HMCN1: variants seen among roughly 807,000 people sequenced by gnomAD.
HMCN1 encodes hemicentin 1.
HMCN1 carries 321 observed loss-of-function variants against 625.9 expected under a neutral mutation model. That is an observed-to-expected ratio of 0.51 (90% CI 0.47 to 0.56). The LOEUF is 0.56. Ranked by LOEUF, HMCN1 falls within the 20% of genes least tolerant of loss-of-function variation. The pLI is 0.00. For synonymous variants in HMCN1, 2,425 were observed against 2,417.6 expected (o/e 1.00, Z -0.09); for missense variants, 6,588 against 6,887.3 (o/e 0.96, Z 1.54).
intron 1 of HMCN1, among the ~76,000 whole-genome samples, chr1:185,804,855 G>A (rs181971440): frequency 1.6e-4 from 25 of 152,136 alleles, no homozygotes; most frequent in Admixed American, 3.9e-4. Flanking sequence ...GGCTTAGAAT[G>A]TTATGACGAG....
chr1:186,106,829 TA>T, intron 69 of HMCN1, 54 bp from the exon 70 acceptor site: 1 of 1,244,380 alleles, frequency 8.0e-7, no homozygotes. Flanking sequence ...ATATTTATTT[TA>T]ATAACAAAAG....
At chr1:186,065,607 A>G (rs550652889) in intron 49 of HMCN1, among the ~76,000 whole-genome samples, 178 bp downstream of exon 49, 8 of 152,334 alleles carry the variant, frequency 5.3e-5, no homozygotes, top group African/African-American at 1.7e-4. Context: ...TTTATGACAT[A>G]TGGAATACCT....
At chr1:186,150,598 C>A (rs1008711434) in intron 93 of HMCN1, among the ~76,000 whole-genome samples, 1 of 152,082 alleles carries the variant, frequency 6.6e-6, no homozygotes, top group South Asian at 2.1e-4. Context: ...AGATAATCCA[C>A]GTTTACATTG....
At chr1:186,131,426 T>C (rs1388593928) in intron 85 of HMCN1, among the ~76,000 whole-genome samples, 2 of 152,154 alleles carry the variant, frequency 1.3e-5, no homozygotes, top group Non-Finnish European at 2.9e-5. Flanking sequence ...TCTATTACTA[T>C]TTCTGAAGTC....
chr1:185,983,156 A>G (rs1295575045), intron 18 of HMCN1, among the ~76,000 whole-genome samples: 1 of 152,026 alleles, frequency 6.6e-6, no homozygotes, highest in Non-Finnish European at 1.5e-5. Flanking sequence ...ATATATTGTC[A>G]TTGTTTTTCG....
At chr1:186,104,504 G>A (rs547197973) in intron 69 of HMCN1, among the ~76,000 whole-genome samples, 2 of 152,234 alleles carry the variant, frequency 1.3e-5, no homozygotes, top group Admixed American at 6.5e-5. Flanking sequence ...GGAAGAAAGG[G>A]AACTGGAAGA....
At chr1:185,941,092 T>A (rs1008101000) in intron 11 of HMCN1, among the ~76,000 whole-genome samples, 14 of 152,140 alleles carry the variant, frequency 9.2e-5, no homozygotes, top group African/African-American at 3.4e-4. Flanking sequence ...CCTGACCTCA[T>A]GATCTGCCCG....
rs566596055 is a variant in HMCN1, at chr1:186,015,855, G to T, written c.4910-103G>T. ...ACAGGCATATAGGTAGATTTTAATG[G>T]TCAAACTTTGTGAGAAAAAACAAAA... On this transcript the variant is annotated intron_variant, in intron 31 of 106. Coordinates refer to ENST00000271588, the MANE Select transcript of HMCN1 (RefSeq NM_031935.3). 36 of 1,130,214 alleles carry T rather than the reference G, an allele frequency of 3.2e-5. No homozygotes were observed. The South Asian group carries it at 3.5e-4, about 11-fold the overall frequency. The allele number at this position is 1,130,214 out of a possible 1,614,324, so 70.0% of individuals were successfully genotyped here. A position where few individuals can be genotyped will look rare whatever the true frequency, so the allele number is the denominator to read the frequency against.
intron 45 of HMCN1, among the ~76,000 whole-genome samples, chr1:186,056,014 G>A (rs868124239): frequency 3.3e-5 from 5 of 151,932 alleles, no homozygotes; most frequent in South Asian, 2.1e-4. Flanking sequence ...TTGTATAAAC[G>A]TAAGCTCCTT....
chr1:185,795,349 TAA>T (rs759452937), intron 1 of HMCN1, among the ~76,000 whole-genome samples: 1 of 152,340 alleles, frequency 6.6e-6, no homozygotes, highest in Admixed American at 6.5e-5. Flanking sequence ...CCTAAAAAAA[TAA>T]AGAGTCATTT....
rs1656084284 is a variant in HMCN1, at chr1:186,039,749, G to A, written c.6050G>A (p.Ser2017Asn). ...QVHVAPSISG[S>N]NNMVAVVVNN... ...TCAGTGGCCCCATCAATTTCTGGCA[G>A]CAATAACATGGTGGCAGTGGTGGTT... Residue 2017 changes from serine (S) to asparagine (N), a missense_variant, in exon 39 of 107, where the codon AGC (serine) becomes AAC (asparagine). Around this residue, in one of 3 missense-constraint regions of HMCN1, gnomAD observed 4,628 missense variants for 4,853.1 expected, o/e 0.95. Transcript: ENST00000271588. 3 of 1,613,416 alleles carry A rather than the reference G, an allele frequency of 1.9e-6. No individual in the cohort carries two copies. Among genetic ancestry groups the A allele is most frequent in the South Asian group, 2.2e-5 (2 of 91,070 alleles).
chr1:185,977,681 A>G lies in HMCN1; in HGVS notation c.2372-106A>G. 3 of 797,428 alleles carry G rather than the reference A, an allele frequency of 3.8e-6. No homozygotes were observed. In the South Asian group the frequency reaches 4.3e-5, roughly 11 times the overall value. The allele number at this position is 797,428 out of a possible 1,614,324, so 49.4% of individuals were successfully genotyped here. ...CAGGGTAAATTTACAATATAATATG[A>G]ACAATAATTCAAATTCAATGATTTG... On this transcript the variant is annotated intron_variant, in intron 15 of 106. Transcript: ENST00000271588.
intron 48 of HMCN1, among the ~76,000 whole-genome samples, chr1:186,064,898 GTACTT>G (rs894056898): frequency 6.0e-5 from 9 of 150,862 alleles, no homozygotes; most frequent in East Asian, 3.9e-4. Flanking sequence ...TTTAAAAACT[GTACTT>G]TACTATCAAA....
At chr1:186,091,069 G>T in intron 64 of HMCN1, 152 bp downstream of exon 64, 1 of 753,932 alleles carries the variant, frequency 1.3e-6, no homozygotes, top group Non-Finnish European at 2.2e-6. Flanking sequence ...TTTTTTTTGA[G>T]AACTGGACAT....
At chr1:186,070,832 T>C in intron 52 of HMCN1, 75 bp downstream of exon 52, 1 of 1,378,422 alleles carries the variant, frequency 7.3e-7, no homozygotes, top group Non-Finnish European at 1.0e-6. Flanking sequence ...AATAATAAAA[T>C]AGACACAAGT....
At chr1:185,982,223 A>G (rs764151005) in intron 17 of HMCN1, 39 bp from the exon 18 acceptor site, 1 of 1,611,358 alleles carries the variant, frequency 6.2e-7, no homozygotes, top group Admixed American at 1.7e-5. Flanking sequence ...CTTTTGGGTG[A>G]AATAGAGTTG....
chr1:186,172,458 T>C (rs1461841017), intron 102 of HMCN1, among the ~76,000 whole-genome samples: 1 of 152,202 alleles, frequency 6.6e-6, no homozygotes, highest in Non-Finnish European at 1.5e-5. Context: ...TAAGAATTTC[T>C]TGGGGGAAAG....
chr1:186,140,093 C>G (rs1354140247), intron 89 of HMCN1, among the ~76,000 whole-genome samples: 1 of 152,172 alleles, frequency 6.6e-6, no homozygotes, highest in African/African-American at 2.4e-5. Flanking sequence ...CTTTCATGAA[C>G]ATAGTACAGT....
intron 4 of HMCN1, among the ~76,000 whole-genome samples, chr1:185,884,843 A>T (rs1664532822): frequency 6.6e-6 from 1 of 152,074 alleles, no homozygotes; most frequent in African/African-American, 2.4e-5. Flanking sequence ...TATATTGATT[A>T]TTCTGAAAAA....
Sources: allele counts gnomAD v4.1 joint callset (sites outside exome capture counted in the v4.1 genomes callset), GRCh38; gene constraint gnomAD v4.1.1; regional missense constraint gnomAD v4.1.1; transcripts MANE v1.5; gene names NCBI Gene and HGNC (gene_info 2026-07-23, HGNC 2026-07-21).